SPEG: variants seen among roughly 807,000 people sequenced by gnomAD.
SPEG encodes the protein striated muscle enriched protein kinase, also known as striated muscle preferentially expressed protein kinase.
Under a neutral mutation model 300.4 loss-of-function variants are expected in SPEG, and 114 were observed. The observed-to-expected ratio is 0.38, with a 90% CI of 0.33 to 0.44. The LOEUF is 0.44. Ranked by LOEUF, SPEG falls within the 20% of genes least tolerant of loss-of-function variation. The pLI, the probability that SPEG is intolerant of heterozygous loss-of-function variation, is 1.00. For synonymous variants in SPEG, 1,964 were observed against 2,018.9 expected, an observed-to-expected ratio of 0.97 and a Z score of 0.73; for missense variants, 4,201 against 4,586.2, an observed-to-expected ratio of 0.92 and a Z score of 2.43.
intron 1 of SPEG, among the ~76,000 whole-genome samples, chr2:219,440,314 G>A (rs1954827335): frequency 6.6e-6 from 1 of 152,134 alleles, no homozygotes; most frequent in Admixed American, 6.5e-5. Context: ...CTTGAGCCCA[G>A]GTGGTCAAGG....
Position 219,490,530 on chromosome 2 carries a change from C to T in SPEG, c.9043C>T (p.Arg3015Trp), listed in dbSNP as rs1378815012. 6.2e-6 allele frequency: 10 copies of T among 1,613,070 alleles called. No homozygotes were observed. The highest frequency in any genetic ancestry group is 7.6e-6 in the Non-Finnish European group (9 of 1,180,000). The change falls in exon 37 of 41, where the codon CGG becomes TGG. Residue 3015 changes from arginine (R) to tryptophan (W), a missense_variant. Around this residue, in one of 4 missense-constraint regions of SPEG, gnomAD observed 318 missense variants for 429.5 expected, o/e 0.74. Transcript: ENST00000312358. ...RRVLQEYEVL[R>W]TLHHERIMSL... ...GGTCCTGCAGGAGTACGAGGTGCTG[C>T]GGACCCTGCACCACGAGCGGATCAT... is the stretch of plus-strand genomic sequence containing the variant.
In SPEG at chr2:219,451,059, G is replaced by A; in HGVS notation, c.2114-77G>A. 1 of 1,422,246 alleles carries A rather than the reference G, an allele frequency of 7.0e-7. No homozygotes were observed. The highest frequency in any genetic ancestry group is 9.3e-7 in the Non-Finnish European group (1 of 1,077,244). 88.1% of individuals were successfully genotyped at this position (1,422,246 alleles called of 1,614,324 possible). Reference sequence around the variant, plus strand: ...CTGGGTTTGGCTTTCTAGGATGCAGGCCACCAGGACTCTCTCTCCCGCTGT... The same window carrying A: ...CTGGGTTTGGCTTTCTAGGATGCAGACCACCAGGACTCTCTCTCCCGCTGT... On this transcript the variant is annotated intron_variant, in intron 4 of 40. Coordinates refer to ENST00000312358, the MANE Select transcript of SPEG (RefSeq NM_005876.5). This position sits in a 1 kb window ranked among gnomAD's most constrained non-coding sequence, Gnocchi z 6.4.
chr2:219,477,143 T>C lies in SPEG; in HGVS notation c.4561-134T>C. ...CTGACTAGCTGAGGGGTGCAGGGCT[T>C]TCTGTGGGAGATAAGGGAGGAGCTG... is the stretch of plus-strand genomic sequence containing the variant. On this transcript the variant is annotated intron_variant, in intron 19 of 40. Transcript: ENST00000312358. This position sits in a 1 kb window ranked among gnomAD's most constrained non-coding sequence, Gnocchi z 6.4. 1.0e-6 allele frequency: 1 copy of C among 1,002,864 alleles called. No individual in the cohort carries two copies. The highest frequency in any genetic ancestry group is 1.4e-6 in the Non-Finnish European group (1 of 692,990). 62.1% of individuals were successfully genotyped at this position (1,002,864 alleles called of 1,614,324 possible).
chr2:219,447,934 C>T, intron 3 of SPEG, 40 bp from the exon 4 acceptor site: 3 of 1,575,748 alleles, frequency 1.9e-6, no homozygotes, highest in Non-Finnish European at 1.7e-6. Flanking sequence ...GGAGAGGAGG[C>T]CCCCTGAATC....
In SPEG at chr2:219,472,894, G is replaced by A. The variant is rs1193363646; in HGVS notation, c.3945G>A (p.Pro1315=). 13 of 1,579,670 alleles carry A rather than the reference G, an allele frequency of 8.2e-6. No individual in the cohort carries two copies. Among genetic ancestry groups the A allele is most frequent in the Middle Eastern group, 1.7e-4 (1 of 5,924 alleles). The change falls in exon 16 of 41, where the codon CCG becomes CCA. Residue 1315 remains proline (P), a synonymous_variant. Coordinates refer to ENST00000312358, the MANE Select transcript of SPEG (RefSeq NM_005876.5). ...PPRSLDMAID[P]DSLTYTVQHQ... is the part of the protein sequence containing the mutation. ...TAGTAGCTCCTCTCCCGCCAGACCC[G>A]GACTCCCTGACGTACACAGTGCAGC...
rs762424868 is a variant in SPEG, at chr2:219,466,091, C to T, written c.2882-1083C>T. ...CTCAGGGGGCCACCTGTGCTCCCCC[C>T]GCTACCCTCCGAGCCGCGCCCCTGT... is the stretch of plus-strand genomic sequence containing the variant. On this transcript the variant is annotated intron_variant, in intron 9 of 40. Transcript: ENST00000312358. 2.8e-5 allele frequency: 44 copies of T among 1,596,864 alleles called. 2 individuals carry two copies. Among genetic ancestry groups the T allele is most frequent in the South Asian group, 1.9e-4 (17 of 89,464 alleles).
At position 219,489,410 on chromosome 2, in the gene SPEG, G is replaced by A. The variant is rs748186416; in HGVS notation, c.8392G>A (p.Asp2798Asn). 3.1e-6 allele frequency: 5 copies of A among 1,612,710 alleles called. No individual in the cohort carries two copies. The highest frequency in any genetic ancestry group is 3.4e-6 in the Non-Finnish European group (4 of 1,179,642). Residue 2798 changes from aspartate (D) to asparagine (N), a missense_variant, in exon 36 of 41, where the codon GAC becomes AAC. Asp to Asn is a conservative substitution (Grantham distance 23). Around this residue, in one of 4 missense-constraint regions of SPEG, gnomAD observed 1,578 missense variants for 1,506.0 expected, o/e 1.05. Coordinates refer to ENST00000312358, the MANE Select transcript of SPEG (RefSeq NM_005876.5). Reference protein sequence around the residue: ...TSRPARARPPDSPTSLAPPLA... With the variant: ...TSRPARARPPNSPTSLAPPLA... ...AAGGCCAGCCAGGGCCCGGCCTCCT[G>A]ACTCTCCTACCTCACTGGCCCCACC... is the stretch of plus-strand genomic sequence containing the variant.
intron 13 of SPEG, among the ~76,000 whole-genome samples, chr2:219,470,082 C>T (rs566377931): frequency 3.9e-5 from 6 of 152,256 alleles, no homozygotes; most frequent in South Asian, 2.1e-4. Flanking sequence ...CTTTGACCCA[C>T]GATGATTTCC....
At position 219,445,121 on chromosome 2, in the gene SPEG, G is replaced by A. The variant is rs759418830; in HGVS notation, c.775G>A (p.Ala259Thr). ...LSVASDLYGS[A>T]FSLYRGRALS... ...CGTGGCCAGTGACCTGTACGGCAGC[G>A]CATTCAGCCTGTACAGAGGACGGGC... Residue 259 changes from alanine (A) to threonine (T), a missense_variant, in exon 3 of 41, where the codon GCA becomes ACA. Physicochemically the swap from Ala to Thr is moderately conservative, Grantham distance 58 (BLOSUM62 0). Transcript: ENST00000312358. The surrounding 1 kb of genome is among the most constrained non-coding windows in gnomAD (Gnocchi z 6.1). 1.9e-5 allele frequency: 30 copies of A among 1,591,968 alleles called. No homozygotes were observed. The highest frequency in any genetic ancestry group is 6.9e-5 in the East Asian group (3 of 43,404).
intron 1 of SPEG, chr2:219,441,890 G>A: frequency 4.5e-6 from 1 of 220,272 alleles, no homozygotes; most frequent in Non-Finnish European, 8.8e-6. Flanking sequence ...CGCCGCCGTC[G>A]CCGCCTTACC....
rs181153930 is a variant in SPEG, at chr2:219,463,480, C to G, written c.2706-953C>G. Among the ~76,000 whole-genome samples, 296 of 119,174 alleles carry G rather than the reference C, an allele frequency of 2.5e-3. 1 individual carries two copies. Among genetic ancestry groups the G allele is most frequent in the African/African-American group, 9.2e-3 (286 of 31,226 alleles). 78.2% of individuals were successfully genotyped at this position (119,174 alleles called of 152,430 possible). On this transcript the variant is annotated intron_variant, in intron 8 of 40. Coordinates refer to ENST00000312358, the MANE Select transcript of SPEG (RefSeq NM_005876.5). Reference sequence around the variant, plus strand: ...CCAGGCTGGAGTGCAGTGGTGCGATCTGGGCTCACTGCAACCTCCGCCTCC... The same window carrying G: ...CCAGGCTGGAGTGCAGTGGTGCGATGTGGGCTCACTGCAACCTCCGCCTCC...
chr2:219,471,602 A>G (rs1420131512), intron 13 of SPEG: 2 of 503,678 alleles, frequency 4.0e-6, no homozygotes, highest in African/African-American at 3.9e-5. Context: ...AGAGAAGATG[A>G]TAAGTTGCCT....
chr2:219,453,900 G>A (rs1010395993), intron 6 of SPEG, among the ~76,000 whole-genome samples: 1 of 152,194 alleles, frequency 6.6e-6, no homozygotes, highest in Non-Finnish European at 1.5e-5. Context: ...CTGGCAAGGG[G>A]TGGTCCCAGG....
chr2:219,442,269 G>A (rs965139416), intron 1 of SPEG, among the ~76,000 whole-genome samples: 1 of 151,648 alleles, frequency 6.6e-6, no homozygotes, highest in Non-Finnish European at 1.5e-5. Flanking sequence ...TGTCCTGAGC[G>A]CGCAGGCCCC....
intron 31 of SPEG, 98 bp from the exon 32 acceptor site, chr2:219,488,096 C>T (rs1162283571): frequency 1.3e-6 from 1 of 744,958 alleles, no homozygotes; most frequent in Non-Finnish European, 2.3e-6. Context: ...TTTCATGCTG[C>T]TTCCTGATGG....
At chr2:219,442,984 CCT>C in intron 1 of SPEG, 2 of 771,784 alleles carry the variant, frequency 2.6e-6, no homozygotes, top group Non-Finnish European at 4.3e-6. Context: ...GCCCACCTCC[CCT>C]CTCACACACA....
At chr2:219,486,061 T>C (rs1693389382) in intron 31 of SPEG, among the ~76,000 whole-genome samples, 1 of 152,220 alleles carries the variant, frequency 6.6e-6, no homozygotes, top group South Asian at 2.1e-4. Flanking sequence ...TTGTGCCCCC[T>C]AAGTCTCCAT....
chr2:219,443,968 C>T lies in SPEG; in HGVS notation c.389-685C>T, dbSNP rs1689096751. 1 of 1,331,144 alleles carries T rather than the reference C, an allele frequency of 7.5e-7. No individual in the cohort carries two copies. The highest frequency in any genetic ancestry group is 1.0e-6 in the Non-Finnish European group (1 of 997,510). 82.5% of individuals were successfully genotyped at this position (1,331,144 alleles called of 1,614,324 possible). On this transcript the variant is annotated intron_variant, in intron 1 of 40. Transcript: ENST00000312358. The surrounding 1 kb of genome is among the most constrained non-coding windows in gnomAD (Gnocchi z 4.6). Reference sequence around the variant, plus strand: ...TCTTGACTGCCCTCCATGCCCTGCCCCACAAACGCTCTGATAACAGTCTGT... The same window carrying T: ...TCTTGACTGCCCTCCATGCCCTGCCTCACAAACGCTCTGATAACAGTCTGT...
intron 9 of SPEG, chr2:219,466,574 A>G (rs1691382086): frequency 5.9e-6 from 6 of 1,021,698 alleles, no homozygotes; most frequent in Non-Finnish European, 7.0e-6. Flanking sequence ...GACACTGACC[A>G]TTCTAGAAAT....
Sources: gnomAD v4.1 joint callset for allele counts (sites outside exome capture counted in the v4.1 genomes callset) on GRCh38, gnomAD v4.1.1 for gene constraint, gnomAD v4.1.1 regional missense constraint, Gnocchi (gnomAD v3.1) non-coding constraint, MANE v1.5 for transcripts, NCBI Gene and HGNC (gene_info 2026-07-23, HGNC 2026-07-21) for gene names.